Variants in CENPP observed in about 807,000 individuals in gnomAD.
CENPP encodes centromere protein P.
A neutral mutation model predicts 35.6 loss-of-function variants in CENPP; 24 were observed. The observed-to-expected ratio is 0.67, with a 90% CI of 0.49 to 0.95. The LOEUF (loss-of-function observed/expected upper bound fraction) is 0.95. Among genes scored for constraint, CENPP ranks in the 40% least tolerant of loss-of-function variants. CENPP has a pLI of 0.00. For synonymous variants in CENPP, 120 were observed against 125.5 expected (o/e 0.96, Z 0.29); for missense variants, 332 against 345.3 (o/e 0.96, Z 0.31).
intron 5 of CENPP, among the ~76,000 whole-genome samples, chr9:92,598,257 TG>T (rs1162938947): frequency 6.6e-6 from 1 of 152,160 alleles, no homozygotes; most frequent in East Asian, 1.9e-4. Context: ...CCCACTGCCA[TG>T]GGTCCCTCTG....
At chr9:92,325,591 T>G, upstream of CENPP, 3 of 182,246 alleles carry the variant, frequency 1.6e-5, no homozygotes, top group Non-Finnish European at 3.5e-5. Flanking sequence ...TAGGTCGGCG[T>G]AAGAGAGGAA....
chr9:92,375,455 G>A (rs1842103417), intron 4 of CENPP, among the ~76,000 whole-genome samples: 1 of 151,872 alleles, frequency 6.6e-6, no homozygotes, highest in South Asian at 2.1e-4. Context: ...ACCACGCCCG[G>A]CTAATTTTTG....
intron 5 of CENPP, among the ~76,000 whole-genome samples, chr9:92,428,241 T>C (rs1446450808): frequency 1.3e-5 from 2 of 152,164 alleles, no homozygotes; most frequent in African/African-American, 4.8e-5. Context: ...GGTGCCCCCA[T>C]GCCAACCCTG....
At chr9:92,548,747 G>A (rs1054277090) in intron 5 of CENPP, among the ~76,000 whole-genome samples, 4 of 152,132 alleles carry the variant, frequency 2.6e-5, no homozygotes, top group Non-Finnish European at 4.4e-5. Flanking sequence ...ATGGGTATTG[G>A]GAGATACCAT....
At chr9:92,450,757 G>A (rs1844685024) in intron 5 of CENPP, among the ~76,000 whole-genome samples, 2 of 151,992 alleles carry the variant, frequency 1.3e-5, no homozygotes, top group Non-Finnish European at 2.9e-5. Flanking sequence ...TCCAGCACCT[G>A]TTGTTTCCTG....
At chr9:92,469,148 TG>T (rs1845418522) in intron 5 of CENPP, among the ~76,000 whole-genome samples, 2 of 152,194 alleles carry the variant, frequency 1.3e-5, no homozygotes, top group South Asian at 4.1e-4. Context: ...TGGGGTGGAC[TG>T]GGTGGATCCT....
chr9:92,505,300 G>A (rs1262617683), intron 5 of CENPP, among the ~76,000 whole-genome samples: 1 of 152,080 alleles, frequency 6.6e-6, no homozygotes, highest in Non-Finnish European at 1.5e-5. Context: ...TCCCCCAAGA[G>A]CTATCAGAAG....
At chr9:92,585,639 A>G (rs182336116) in intron 5 of CENPP, among the ~76,000 whole-genome samples, 39 of 152,326 alleles carry the variant, frequency 2.6e-4, no homozygotes, top group African/African-American at 9.4e-4. Context: ...CTCTGAAACC[A>G]CCATAAACTG....
At chr9:92,420,848 T>G (rs1044219228) in intron 5 of CENPP, among the ~76,000 whole-genome samples, 7 of 149,566 alleles carry the variant, frequency 4.7e-5, no homozygotes, top group Admixed American at 1.3e-4. Flanking sequence ...TTCTGTGAGA[T>G]TCGTGGAAGA....
At chr9:92,332,466 G>A (rs1032933866) in intron 2 of CENPP, 115 bp downstream of exon 2, 13 of 762,460 alleles carry the variant, frequency 1.7e-5, no homozygotes, top group African/African-American at 1.6e-4. Flanking sequence ...TGAAAGTATG[G>A]TTGTGGTAAA....
intron 5 of CENPP, among the ~76,000 whole-genome samples, chr9:92,433,610 A>G (rs921047636): frequency 3.3e-5 from 5 of 152,202 alleles, no homozygotes; most frequent in Admixed American, 2.0e-4. Context: ...AATGGTTGCT[A>G]TGAGAACAAT....
intron 5 of CENPP, among the ~76,000 whole-genome samples, chr9:92,560,145 A>G (rs999452685): frequency 7.9e-5 from 12 of 152,180 alleles, no homozygotes; most frequent in African/African-American, 2.9e-4. Flanking sequence ...CCCTGTCTCT[A>G]AAAGAAATGA....
At chr9:92,536,135 C>A (rs1219917039) in intron 5 of CENPP, 1 of 397,002 alleles carries the variant, frequency 2.5e-6, no homozygotes, top group Non-Finnish European at 4.7e-6. Flanking sequence ...GAAAATCAGC[C>A]AAGAAAGTAA....
chr9:92,451,439 C>G (rs1198126838), intron 5 of CENPP, among the ~76,000 whole-genome samples: 18 of 148,408 alleles, frequency 1.2e-4, no homozygotes, highest in African/African-American at 3.7e-4. Context: ...GGGCTCTGTT[C>G]TGTTCCATTG....
chr9:92,449,941 CTAA>C (rs1295764478), intron 5 of CENPP, among the ~76,000 whole-genome samples: 2 of 151,910 alleles, frequency 1.3e-5, no homozygotes, highest in African/African-American at 4.8e-5. Context: ...TGAGAATGGA[CTAA>C]TAAAATCAGC....
intron 5 of CENPP, among the ~76,000 whole-genome samples, chr9:92,595,556 T>A (rs1319699965): frequency 6.6e-6 from 1 of 151,564 alleles, no homozygotes; most frequent in Non-Finnish European, 1.5e-5. Flanking sequence ...TTTTGTTTTT[T>A]GTTTTTGTTT....
intron 5 of CENPP, among the ~76,000 whole-genome samples, chr9:92,566,299 CAA>C (rs1394987794): frequency 4.0e-5 from 4 of 99,880 alleles, no homozygotes; most frequent in African/African-American, 3.8e-5. Context: ...GTCTCCATCT[CAA>C]AAAAAAAAAA....
chr9:92,463,187 A>G (rs942166497), intron 5 of CENPP, among the ~76,000 whole-genome samples: 2 of 152,198 alleles, frequency 1.3e-5, no homozygotes, highest in African/African-American at 4.8e-5. Context: ...GAACTTCCTG[A>G]ACGAATAGGA....
chr9:92,332,474 A>G (rs1840781797), intron 2 of CENPP, 123 bp downstream of exon 2: 1 of 710,866 alleles, frequency 1.4e-6, no homozygotes, highest in African/African-American at 1.9e-5. Context: ...TGGTTGTGGT[A>G]AACTTGTTTA....
Sources: allele counts gnomAD v4.1 joint callset (sites outside exome capture counted in the v4.1 genomes callset), GRCh38; gene constraint gnomAD v4.1.1; transcripts MANE v1.5; gene names NCBI Gene and HGNC (gene_info 2026-07-23, HGNC 2026-07-21).